CEP85L: variants seen among roughly 807,000 people sequenced by gnomAD.
The protein encoded by CEP85L is centrosomal protein 85L, also known as centrosomal protein of 85 kDa-like.
A neutral mutation model predicts 100.3 loss-of-function variants in CEP85L; 60 were observed. That is an observed-to-expected ratio of 0.60 (90% CI 0.49 to 0.74). CEP85L has a LOEUF of 0.74. Ranked by LOEUF, CEP85L falls within the 30% of genes least tolerant of loss-of-function variation. The pLI is 0.00. For missense variants in CEP85L, 973 were observed against 936.2 expected (o/e 1.04, Z -0.51); for synonymous variants, 319 against 322.7 (o/e 0.99, Z 0.12).
intron 2 of CEP85L, among the ~76,000 whole-genome samples, chr6:118,602,103 A>C (rs1781818461): frequency 6.6e-6 from 1 of 152,126 alleles, no homozygotes; most frequent in African/African-American, 2.4e-5. Flanking sequence ...AGAGGGATGA[A>C]GATCCATCTT....
intron 1 of CEP85L, among the ~76,000 whole-genome samples, chr6:118,634,271 T>C (rs1774351891): frequency 6.6e-6 from 1 of 152,226 alleles, no homozygotes; most frequent in African/African-American, 2.4e-5. Context: ...ACCACACTTT[T>C]AGGATTAGTT....
intron 1 of CEP85L, among the ~76,000 whole-genome samples, chr6:118,686,029 C>T (rs1360977467): frequency 6.6e-6 from 1 of 152,186 alleles, no homozygotes; most frequent in African/African-American, 2.4e-5. Flanking sequence ...GAACTCGATT[C>T]ATTCCCAAAG....
chr6:118,548,611 A>G (rs1778348863), intron 3 of CEP85L, among the ~76,000 whole-genome samples: 1 of 152,076 alleles, frequency 6.6e-6, no homozygotes, highest in South Asian at 2.1e-4. Flanking sequence ...GGTCATATTC[A>G]TCTTTGATCC....
intron 12 of CEP85L, among the ~76,000 whole-genome samples, chr6:118,466,767 A>G (rs1772553247): frequency 6.6e-6 from 1 of 152,160 alleles, no homozygotes; most frequent in Non-Finnish European, 1.5e-5. Flanking sequence ...CCAGGTTCAT[A>G]GTTTAGACAG....
At chr6:118,597,777 G>C (rs1160395466) in intron 2 of CEP85L, among the ~76,000 whole-genome samples, 2 of 152,168 alleles carry the variant, frequency 1.3e-5, no homozygotes, top group African/African-American at 4.8e-5. Context: ...GTGTTTTTCA[G>C]TTCTTCAGCT....
At chr6:118,561,572 A>G (rs1214172806) in intron 3 of CEP85L, among the ~76,000 whole-genome samples, 1 of 152,132 alleles carries the variant, frequency 6.6e-6, no homozygotes, top group Admixed American at 6.5e-5. Context: ...CTACTATAGA[A>G]TAAGTTCTTA....
chr6:118,618,776 T>C (rs1210909546), intron 2 of CEP85L, among the ~76,000 whole-genome samples: 1 of 152,192 alleles, frequency 6.6e-6, no homozygotes, highest in African/African-American at 2.4e-5. Flanking sequence ...TTGAGCTTAC[T>C]AAGCCTCCTG....
intron 1 of CEP85L, among the ~76,000 whole-genome samples, chr6:118,650,751 G>A (rs1775499181): frequency 6.6e-6 from 1 of 152,174 alleles, no homozygotes; most frequent in Non-Finnish European, 1.5e-5. Flanking sequence ...AAGTCGGGAG[G>A]GCGCGGAACT....
intron 4 of CEP85L, among the ~76,000 whole-genome samples, chr6:118,522,881 A>C (rs1182156813): frequency 6.6e-6 from 1 of 152,156 alleles, no homozygotes; most frequent in African/African-American, 2.4e-5. Flanking sequence ...TCCCAAAAAA[A>C]AAAAAAAATT....
intron 2 of CEP85L, among the ~76,000 whole-genome samples, chr6:118,594,881 C>CAAA (rs34433072): frequency 7.4e-6 from 1 of 134,916 alleles, no homozygotes; most frequent in Non-Finnish European, 1.6e-5. Flanking sequence ...CAAAACAAAA[C>CAAA]AAAAAAAAAA....
At chr6:118,490,144 T>G (rs1774459989) in intron 6 of CEP85L, among the ~76,000 whole-genome samples, 1 of 152,080 alleles carries the variant, frequency 6.6e-6, no homozygotes, top group Non-Finnish European at 1.5e-5. Flanking sequence ...TCCACTTATA[T>G]GAGATAAATG....
chr6:118,519,578 GTGTGGC>G (rs1562223397), intron 4 of CEP85L, among the ~76,000 whole-genome samples: 1 of 16,108 alleles, frequency 6.2e-5, no homozygotes, highest in African/African-American at 1.7e-4. Flanking sequence ...GTGTGTGTGT[GTGTGGC>G]GGGGGGGGGG....
chr6:118,659,752 A>G (rs1775911673), intron 1 of CEP85L, among the ~76,000 whole-genome samples: 1 of 152,204 alleles, frequency 6.6e-6, no homozygotes, highest in Non-Finnish European at 1.5e-5. Flanking sequence ...CCCAGGCCCA[A>G]GATCTAAGTT....
intron 3 of CEP85L, among the ~76,000 whole-genome samples, chr6:118,554,653 C>T (rs951092402): frequency 6.6e-6 from 1 of 152,118 alleles, no homozygotes; most frequent in Non-Finnish European, 1.5e-5. Flanking sequence ...TGACAGATAT[C>T]CTCATATAGA....
At chr6:118,636,507 A>G (rs1774500859) in intron 1 of CEP85L, among the ~76,000 whole-genome samples, 2 of 152,238 alleles carry the variant, frequency 1.3e-5, no homozygotes, top group Non-Finnish European at 2.9e-5. Context: ...TTACATGACA[A>G]CTTGACTGGA....
intron 2 of CEP85L, among the ~76,000 whole-genome samples, chr6:118,601,176 T>G (rs1781767926): frequency 6.6e-6 from 1 of 152,226 alleles, no homozygotes; most frequent in South Asian, 2.1e-4. Flanking sequence ...AGTGCCTACC[T>G]CATATGGTTA....
chr6:118,613,273 G>A (rs56259947), intron 2 of CEP85L, among the ~76,000 whole-genome samples: 4,106 of 152,130 alleles, frequency 0.027, 190 homozygotes, highest in African/African-American at 0.093. Flanking sequence ...ATAGCCTGCA[G>A]ACATCTAACA....
At chr6:118,567,189 A>G (rs1247694278) in intron 2 of CEP85L, among the ~76,000 whole-genome samples, 1 of 148,650 alleles carries the variant, frequency 6.7e-6, no homozygotes, top group Non-Finnish European at 1.5e-5. Flanking sequence ...GTGTGTACAT[A>G]TATGTATGAA....
chr6:118,485,955 G>C (rs929047512), intron 6 of CEP85L, among the ~76,000 whole-genome samples: 5 of 152,196 alleles, frequency 3.3e-5, no homozygotes, highest in African/African-American at 1.2e-4. Context: ...GACTGGAATA[G>C]GTCTGTCTGT....
Sources: gnomAD v4.1 joint callset for allele counts (sites outside exome capture counted in the v4.1 genomes callset) on GRCh38, gnomAD v4.1.1 for gene constraint, MANE v1.5 for transcripts, NCBI Gene and HGNC (gene_info 2026-07-23, HGNC 2026-07-21) for gene names.